The following TYW1 variants were observed in gnomAD, a reference collection of about 807,000 sequenced individuals.
TYW1 encodes tRNA-yW synthesizing protein 1 homolog, also known as S-adenosyl-L-methionine-dependent tRNA 4-demethylwyosine synthase TYW1.
A neutral mutation model predicts 96.2 loss-of-function variants in TYW1; 46 were observed. That is an observed-to-expected ratio of 0.48 (90% CI 0.38 to 0.61). The LOEUF (loss-of-function observed/expected upper bound fraction) is 0.61. Ranked by LOEUF, TYW1 falls within the 20% of genes least tolerant of loss-of-function variation. The pLI is 0.00. For synonymous variants in TYW1, 274 were observed against 323.0 expected, an observed-to-expected ratio of 0.85 and a Z score of 1.63; for missense variants, 684 against 909.6, an observed-to-expected ratio of 0.75 and a Z score of 3.19.
At chr7:67,178,845 GT>G (rs1204210541) in intron 13 of TYW1, among the ~76,000 whole-genome samples, 3 of 142,442 alleles carry the variant, frequency 2.1e-5, no homozygotes, top group Non-Finnish European at 3.1e-5. Context: ...AATCCCTGGA[GT>G]TATACATTCA....
At chr7:67,201,110 A>G (rs1286460307) in intron 15 of TYW1, among the ~76,000 whole-genome samples, 10 of 151,992 alleles carry the variant, frequency 6.6e-5, no homozygotes, top group South Asian at 2.1e-4. Context: ...TTCAGAAAAA[A>G]TTGTCTGGCA....
At chr7:67,035,928 T>C (rs1296484915) in intron 7 of TYW1, among the ~76,000 whole-genome samples, 8 of 150,930 alleles carry the variant, frequency 5.3e-5, no homozygotes, top group South Asian at 2.1e-4. Context: ...CCGCCCACCT[T>C]GGCCTCCCAA....
chr7:67,188,315 G>T (rs1289188427), intron 14 of TYW1, among the ~76,000 whole-genome samples: 1 of 151,932 alleles, frequency 6.6e-6, no homozygotes, highest in African/African-American at 2.4e-5. Flanking sequence ...GCGAGACTCT[G>T]TCTCAAAAAA....
At chr7:67,037,287 C>T (rs1359861212) in intron 7 of TYW1, among the ~76,000 whole-genome samples, 1 of 152,032 alleles carries the variant, frequency 6.6e-6, no homozygotes, top group South Asian at 2.1e-4. Context: ...GCAGGTGGAT[C>T]ACCTGACGTC....
At chr7:67,085,371 C>G (rs1234041206) in intron 11 of TYW1, among the ~76,000 whole-genome samples, 1 of 152,118 alleles carries the variant, frequency 6.6e-6, no homozygotes, top group African/African-American at 2.4e-5. Context: ...TGAGTTCTCA[C>G]GAGATCTGAT....
At chr7:67,091,278 G>A (rs1193769484) in intron 11 of TYW1, among the ~76,000 whole-genome samples, 13 of 151,508 alleles carry the variant, frequency 8.6e-5, no homozygotes, top group Admixed American at 8.6e-4. Flanking sequence ...CATGGATGAA[G>A]CTGGAAACCA....
At chr7:67,008,446 G>C (rs891646609) in intron 3 of TYW1, among the ~76,000 whole-genome samples, 1 of 152,164 alleles carries the variant, frequency 6.6e-6, no homozygotes, top group African/African-American at 2.4e-5. Context: ...CTGGCAACGA[G>C]CCTCCATCCT....
chr7:67,078,043 T>C (rs1480663107), intron 10 of TYW1, among the ~76,000 whole-genome samples: 2 of 152,180 alleles, frequency 1.3e-5, no homozygotes, highest in African/African-American at 4.8e-5. Context: ...TGTTCTTATG[T>C]CAATACCATG....
At chr7:67,102,514 A>T (rs1380563900) in intron 12 of TYW1, among the ~76,000 whole-genome samples, 1 of 152,224 alleles carries the variant, frequency 6.6e-6, no homozygotes, top group Non-Finnish European at 1.5e-5. Context: ...AGGAGGAAGT[A>T]AGGTGGCAGG....
chr7:67,096,910 A>G (rs1796938953), intron 11 of TYW1, among the ~76,000 whole-genome samples: 1 of 152,208 alleles, frequency 6.6e-6, no homozygotes, highest in South Asian at 2.1e-4. Context: ...AGTCAAGAGC[A>G]GTACCTGACA....
chr7:67,238,789 C>T lies in TYW1; in HGVS notation c.*260C>T. On this transcript the variant is annotated 3_prime_UTR_variant, in exon 16 of 16. Coordinates refer to ENST00000359626, the MANE Select transcript of TYW1 (RefSeq NM_018264.4). ...GGAAAATTATTTTGGGGAGGAACTACACAGTCGTGATTAGAATTTATCTGA... is the reference window on the plus strand; with the variant it reads ...GGAAAATTATTTTGGGGAGGAACTATACAGTCGTGATTAGAATTTATCTGA... 1 of 1,312,036 alleles carries T rather than the reference C, an allele frequency of 7.6e-7. No individual in the cohort carries two copies. Among genetic ancestry groups the T allele is most frequent in the Non-Finnish European group, 9.7e-7 (1 of 1,025,878 alleles). The allele number at this position is 1,312,036 out of a possible 1,614,324, so 81.3% of individuals were successfully genotyped here. A position where few individuals can be genotyped will look rare whatever the true frequency, so the allele number is the denominator to read the frequency against.
intron 15 of TYW1, among the ~76,000 whole-genome samples, chr7:67,197,944 C>T (rs1379358276): frequency 1.4e-5 from 2 of 147,912 alleles, no homozygotes; most frequent in African/African-American, 2.5e-5. Flanking sequence ...CTCTCTCCCT[C>T]CCTTCCCTAC....
intron 15 of TYW1, among the ~76,000 whole-genome samples, chr7:67,218,376 T>C (rs1486042717): frequency 6.6e-6 from 1 of 151,330 alleles, no homozygotes; most frequent in African/African-American, 2.4e-5. Flanking sequence ...TTTTTTGAGA[T>C]GGAGTCTCGC....
rs561715157 is a variant in TYW1, at chr7:67,177,242, T to G, written c.1699-5884T>G. 5.2e-3 allele frequency among the ~76,000 whole-genome samples: 787 copies of G among 151,696 alleles called. 4 individuals carry two copies. Among genetic ancestry groups the G allele is most frequent in the Non-Finnish European group, 7.7e-3 (521 of 67,900 alleles). ...GGTGGATTTTTGACACAAATGTGAG[T>G]GGCAATATGATAAAACTTTAGAAAA... On this transcript the variant is annotated intron_variant, in intron 13 of 15. Transcript: ENST00000359626.
intron 10 of TYW1, among the ~76,000 whole-genome samples, chr7:67,075,151 TA>T (rs1796162447): frequency 6.6e-6 from 1 of 152,236 alleles, no homozygotes; most frequent in African/African-American, 2.4e-5. Context: ...TATGGATAGA[TA>T]AAATGCTGTT....
At chr7:67,107,385 C>T (rs1011592209) in intron 12 of TYW1, among the ~76,000 whole-genome samples, 2 of 152,174 alleles carry the variant, frequency 1.3e-5, no homozygotes, top group African/African-American at 4.8e-5. Context: ...CTAATTTTCT[C>T]TCCTGTCTTT....
chr7:67,155,484 T>A (rs144038897), intron 13 of TYW1, among the ~76,000 whole-genome samples: 92 of 152,276 alleles, frequency 6.0e-4, no homozygotes, highest in African/African-American at 2.1e-3. Flanking sequence ...CACAGCACCA[T>A]GCTTCCTGTA....
At chr7:67,088,243 A>T (rs890413762) in intron 11 of TYW1, among the ~76,000 whole-genome samples, 28 of 152,164 alleles carry the variant, frequency 1.8e-4, no homozygotes, top group Non-Finnish European at 3.7e-4. Flanking sequence ...TATTTGTTTA[A>T]TGCTTTTTTC....
intron 15 of TYW1, among the ~76,000 whole-genome samples, chr7:67,205,977 A>G (rs1418697268): frequency 6.6e-6 from 1 of 152,120 alleles, no homozygotes; most frequent in Non-Finnish European, 1.5e-5. Flanking sequence ...TGCTTGCCTT[A>G]TATGTAATAT....
Sources: allele counts gnomAD v4.1 joint callset (sites outside exome capture counted in the v4.1 genomes callset), GRCh38; gene constraint gnomAD v4.1.1; transcripts MANE v1.5; gene names NCBI Gene and HGNC (gene_info 2026-07-23, HGNC 2026-07-21).